The following ELOVL2 variants were observed in gnomAD, a reference collection of about 807,000 sequenced individuals.
ELOVL2 encodes ELOVL fatty acid elongase 2.
In ELOVL2, 38 loss-of-function variants were observed where a neutral mutation model predicts 37.7. The ratio of observed to expected loss-of-function variants is 1.01; its 90% confidence interval spans 0.78 to 1.32. ELOVL2 has a LOEUF of 1.32. Among genes scored for constraint, ELOVL2 ranks in the 40% most tolerant of loss-of-function variants. The pLI, the probability that ELOVL2 is intolerant of heterozygous loss-of-function variation, is 0.00. For synonymous variants in ELOVL2, 115 were observed against 122.3 expected (o/e 0.94, Z 0.40); for missense variants, 352 against 363.6 (o/e 0.97, Z 0.26).
intron 1 of ELOVL2, among the ~76,000 whole-genome samples, chr6:11,019,734 TTTG>T (rs776460444): frequency 4.7e-5 from 7 of 149,824 alleles, no homozygotes; most frequent in South Asian, 2.2e-4. Context: ...TAGTTTAGTT[TTTG>T]TTGTTGTTGT....
intron 1 of ELOVL2, among the ~76,000 whole-genome samples, chr6:11,033,715 A>T (rs1782968094): frequency 6.6e-6 from 1 of 152,232 alleles, no homozygotes; most frequent in Non-Finnish European, 1.5e-5. Flanking sequence ...CCCGAAGAGG[A>T]AGAAACAAAA....
chr6:10,996,835 C>T (rs1782277445), intron 4 of ELOVL2, among the ~76,000 whole-genome samples: 1 of 151,358 alleles, frequency 6.6e-6, no homozygotes, highest in South Asian at 2.1e-4. Context: ...CATGGTGAAA[C>T]CCCGTCTCTA....
intron 1 of ELOVL2, among the ~76,000 whole-genome samples, chr6:11,038,328 AT>A (rs949465470): frequency 1.3e-5 from 2 of 152,174 alleles, no homozygotes; most frequent in African/African-American, 4.8e-5. Context: ...TAAAGTAAAA[AT>A]AATTATTTAT....
At chr6:10,996,223 C>T (rs200508510) in intron 4 of ELOVL2, among the ~76,000 whole-genome samples, 8 of 152,242 alleles carry the variant, frequency 5.3e-5, no homozygotes, top group East Asian at 1.9e-4. Context: ...TCATAAGGTA[C>T]GGCCGCAACC....
chr6:10,985,542 A>T (rs1414961054), intron 7 of ELOVL2, among the ~76,000 whole-genome samples: 3 of 150,194 alleles, frequency 2.0e-5, no homozygotes, highest in Non-Finnish European at 4.4e-5. Context: ...GTAAGGAAGG[A>T]TCCAGTTTCA....
At chr6:11,018,373 CAAAT>C (rs1230367817) in intron 1 of ELOVL2, among the ~76,000 whole-genome samples, 3 of 152,168 alleles carry the variant, frequency 2.0e-5, no homozygotes, top group African/African-American at 7.2e-5. Context: ...ATGCAAGAGT[CAAAT>C]AAGCCACCAC....
chr6:10,994,855 CCTGGCAGACA>C (rs1270342118), intron 5 of ELOVL2, 142 bp downstream of exon 5: 1 of 594,086 alleles, frequency 1.7e-6, no homozygotes, highest in African/African-American at 1.9e-5. Flanking sequence ...ATACATGACC[CCTGGCAGACA>C]CGGGCATCCT....
At chr6:11,034,404 C>T (rs1260773510) in intron 1 of ELOVL2, among the ~76,000 whole-genome samples, 1 of 148,814 alleles carries the variant, frequency 6.7e-6, no homozygotes, top group African/African-American at 2.4e-5. Context: ...CACTTACTGC[C>T]GGGCATGGTG....
intron 1 of ELOVL2, among the ~76,000 whole-genome samples, chr6:11,020,763 C>G (rs1782754492): frequency 6.6e-6 from 1 of 152,156 alleles, no homozygotes; most frequent in African/African-American, 2.4e-5. Flanking sequence ...CATTTTTCCC[C>G]CTAATAGGTT....
At chr6:10,993,134 T>TTTA (rs1197512643) in intron 5 of ELOVL2, among the ~76,000 whole-genome samples, 3 of 152,256 alleles carry the variant, frequency 2.0e-5, no homozygotes, top group Non-Finnish European at 4.4e-5. Context: ...GTCAAAATTC[T>TTTA]TTATTAAACA....
In ELOVL2 at chr6:10,999,127, T is replaced by G. The variant is rs1040321163; in HGVS notation, c.333+960A>C. The stretch of plus-strand genomic sequence containing the variant: ...CACTAGGGGCGTTCAGTCAAAAAAC[T>G]GTTTTAAAGTCACTTGAAATAGTTC... On this transcript the variant is annotated intron_variant, in intron 4 of 7. Transcript: ENST00000354666. Among the ~76,000 whole-genome samples the G allele has an allele frequency of 5.3e-4, 81 of 152,318 alleles. 1 individual carries two copies. The highest frequency in any genetic ancestry group is 3.7e-3 in the Admixed American group (57 of 15,302).
At chr6:11,023,690 G>A (rs1435379214) in intron 1 of ELOVL2, among the ~76,000 whole-genome samples, 1 of 152,142 alleles carries the variant, frequency 6.6e-6, no homozygotes. Flanking sequence ...TTCAGCACGC[G>A]CTGTTTTGTT....
intron 1 of ELOVL2, among the ~76,000 whole-genome samples, chr6:11,023,059 A>G (rs1031390930): frequency 7.2e-5 from 11 of 152,244 alleles, no homozygotes; most frequent in African/African-American, 2.7e-4. Flanking sequence ...TCTGAAACAG[A>G]AAAGAAAACA....
chr6:10,996,095 T>A (rs1452736345), intron 4 of ELOVL2, among the ~76,000 whole-genome samples: 2 of 150,960 alleles, frequency 1.3e-5, no homozygotes, highest in Non-Finnish European at 3.0e-5. Context: ...ATTTCTTTAG[T>A]TAAAGGCACT....
rs139263355 is a variant in ELOVL2 at position 11,019,261 on chromosome 6, C to T, written c.4-8452G>A. Among the ~76,000 whole-genome samples, 7 of 152,222 alleles carry T rather than the reference C, an allele frequency of 4.6e-5. No individual in the cohort carries two copies. In the East Asian group the frequency reaches 1.4e-3, roughly 29 times the overall value. ...TGAATATTTCTTCATTTCAGCCTCA[C>T]CATCACATGCTGACAAGATTAGTCC... On this transcript the variant is annotated intron_variant, in intron 1 of 7. Transcript: ENST00000354666.
At chr6:11,029,223 C>CAAAAAAAAAAAAAAAAAAAAA (rs376639413) in intron 1 of ELOVL2, among the ~76,000 whole-genome samples, 7 of 75,788 alleles carry the variant, frequency 9.2e-5, no homozygotes, top group African/African-American at 3.6e-4. Flanking sequence ...AGGGAGATCT[C>CAAAAAAAAAAAAAAAAAAAAA]AAAAAAAAAA....
intron 1 of ELOVL2, among the ~76,000 whole-genome samples, chr6:11,043,314 T>C (rs1392609787): frequency 3.3e-5 from 5 of 151,910 alleles, no homozygotes; most frequent in Non-Finnish European, 7.4e-5. Flanking sequence ...GACCAGTCCT[T>C]TGAGGATGGC....
At chr6:11,001,566 A>G (rs990800415) in intron 3 of ELOVL2, among the ~76,000 whole-genome samples, 1 of 152,228 alleles carries the variant, frequency 6.6e-6, no homozygotes, top group Non-Finnish European at 1.5e-5. Context: ...GTAGTTCTGT[A>G]GTAAGGGGCT....
chr6:10,985,209 GTTGT>G (rs950770919), intron 7 of ELOVL2, among the ~76,000 whole-genome samples: 23 of 151,496 alleles, frequency 1.5e-4, no homozygotes, highest in African/African-American at 5.6e-4. Context: ...TTTTGATGGG[GTTGT>G]TTTTTTCTTG....
Sources: allele counts gnomAD v4.1 joint callset (sites outside exome capture counted in the v4.1 genomes callset), GRCh38; gene constraint gnomAD v4.1.1; transcripts MANE v1.5; gene names NCBI Gene and HGNC (gene_info 2026-07-23, HGNC 2026-07-21).